The following SLF2 variants were observed in gnomAD, a reference collection of about 807,000 sequenced individuals.
The protein encoded by SLF2 is SMC5/6 complex localization factor 2.
In SLF2, 68 loss-of-function variants were observed where a neutral mutation model predicts 124.3. The observed-to-expected ratio is 0.55, with a 90% CI of 0.45 to 0.67. The LOEUF (loss-of-function observed/expected upper bound fraction) is 0.67, where lower values mean the gene tolerates loss of function less well. Ranked by LOEUF, SLF2 falls within the 30% of genes least tolerant of loss-of-function variation. SLF2 has a pLI of 0.00. For synonymous variants in SLF2, 480 were observed against 478.8 expected (o/e 1.00, Z -0.03); for missense variants, 1,246 against 1,373.7 (o/e 0.91, Z 1.47).
chr10:100,927,331 G>A (rs1288472045), intron 6 of SLF2, among the ~76,000 whole-genome samples: 4 of 152,140 alleles, frequency 2.6e-5, no homozygotes, highest in Non-Finnish European at 4.4e-5. Context: ...GTTATCTCAT[G>A]TAAGTGGTAT....
Position 100,962,162 on chromosome 10 carries a change from G to T in SLF2, c.*250G>T. On this transcript the variant is annotated 3_prime_UTR_variant, in exon 20 of 20. Transcript: ENST00000238961. ...GCAGAGTCTTATTAAAAGAGGGGAG[G>T]GGTAGAAGCAGAATAATAGTCATAT... 2.8e-6 allele frequency: 1 copy of T among 353,892 alleles called. No homozygotes were observed. Among genetic ancestry groups the T allele is most frequent in the Admixed American group, 4.3e-5 (1 of 23,260 alleles). The allele number at this position is 353,892 out of a possible 1,614,324, so 21.9% of individuals were successfully genotyped here. A position where few individuals can be genotyped will look rare whatever the true frequency, so the allele number is the denominator to read the frequency against.
chr10:100,947,612 A>G (rs1850128813), intron 14 of SLF2, 148 bp from the exon 15 acceptor site: 1 of 496,550 alleles, frequency 2.0e-6, no homozygotes, highest in Non-Finnish European at 3.5e-6. Flanking sequence ...TTACTGTTCT[A>G]TAACAGCTTA....
chr10:100,947,687 T>C (rs967268993), intron 14 of SLF2, 73 bp from the exon 15 acceptor site: 2 of 1,039,280 alleles, frequency 1.9e-6, no homozygotes, highest in Non-Finnish European at 2.9e-6. Context: ...AGAGCTCCTC[T>C]TGGCTCATTC....
intron 6 of SLF2, among the ~76,000 whole-genome samples, chr10:100,928,447 C>T (rs1176576956): frequency 6.6e-6 from 1 of 151,994 alleles, no homozygotes; most frequent in Non-Finnish European, 1.5e-5. Context: ...TCTGAAGTTC[C>T]TCCTTTAAAA....
rs1383766510 is a variant in SLF2 at position 100,937,402 on chromosome 10, A to T, written c.2437A>T (p.Met813Leu). ...CCTGTCATTTCTCTGCTTTTGACAG[A>T]TGATGTCAGTTCATACAGACTGTAT... ...PVPVLKWLFR[M>L]MSVHTDCIVS... Residue 813 changes from methionine (M) to leucine (L), a missense_variant and splice_region_variant, in exon 10 of 20, where the codon ATG becomes TTG. This residue lies in a region of SLF2 where 535 missense variants were observed against 632.8 expected (regional missense o/e 0.85). Coordinates refer to ENST00000238961, the MANE Select transcript of SLF2 (RefSeq NM_018121.4). 3.7e-6 allele frequency: 6 copies of T among 1,604,356 alleles called. No homozygotes were observed. The highest frequency in any genetic ancestry group is 2.2e-5 in the East Asian group (1 of 44,818).
rs1418156963 is a variant in SLF2, at chr10:100,958,995, CG to C, written c.3418-432del. On this transcript the variant is annotated intron_variant, in intron 18 of 19. Coordinates refer to ENST00000238961, the MANE Select transcript of SLF2 (RefSeq NM_018121.4). ...AATAATGTGGAGAGGGACAAATAAACGTTTTTTTTATGGCTTTGATCCTTTC... is the reference window on the plus strand; with the variant it reads ...AATAATGTGGAGAGGGACAAATAAACTTTTTTTTATGGCTTTGATCCTTTC... Among the ~76,000 whole-genome samples, 4 of 152,108 alleles carry C rather than the reference CG, an allele frequency of 2.6e-5. No individual in the cohort carries two copies. In the South Asian group the frequency reaches 6.2e-4, roughly 24 times the overall value.
intron 17 of SLF2, among the ~76,000 whole-genome samples, chr10:100,954,093 CAA>C (rs11317743): frequency 9.3e-4 from 135 of 145,010 alleles, no homozygotes; most frequent in Admixed American, 1.1e-3. Flanking sequence ...GCCATCTTTA[CAA>C]AAAAAAAAAA....
At chr10:100,948,718 T>TA (rs1387015301) in intron 15 of SLF2, among the ~76,000 whole-genome samples, 7 of 151,110 alleles carry the variant, frequency 4.6e-5, no homozygotes, top group South Asian at 2.1e-4. Flanking sequence ...CCGTCTCTAC[T>TA]AAAAAAAATA....
intron 11 of SLF2, among the ~76,000 whole-genome samples, chr10:100,942,886 A>G (rs1589959288): frequency 6.6e-6 from 1 of 152,150 alleles, no homozygotes; most frequent in Non-Finnish European, 1.5e-5. Context: ...GCCTCAGCCT[A>G]TCAAAGTGCT....
intron 17 of SLF2, among the ~76,000 whole-genome samples, chr10:100,953,982 C>T (rs926199025): frequency 2.6e-5 from 4 of 151,772 alleles, no homozygotes; most frequent in Non-Finnish European, 5.9e-5. Flanking sequence ...CTTGGCTGGG[C>T]GCAGTGGCTC....
At chr10:100,956,573 C>A in intron 18 of SLF2, 36 bp downstream of exon 18, 1 of 1,323,644 alleles carries the variant, frequency 7.6e-7, no homozygotes, top group Non-Finnish European at 1.0e-6. Flanking sequence ...TTTTTTTTTT[C>A]TTAATCTTGG....
At position 100,950,215 on chromosome 10, in the gene SLF2, G is replaced by C; in HGVS notation, c.3252+8G>C. Reference sequence around the variant, plus strand: ...TTAGAACTTGAAAAGCAGGTATCCAGTGCTAGAAGGTCTCAAAGAGTACAT... The same window carrying C: ...TTAGAACTTGAAAAGCAGGTATCCACTGCTAGAAGGTCTCAAAGAGTACAT... On this transcript the variant is annotated splice_region_variant and intron_variant, in intron 16 of 19. Transcript: ENST00000238961. 1.2e-6 allele frequency: 2 copies of C among 1,611,718 alleles called. No individual in the cohort carries two copies. The highest frequency in any genetic ancestry group is 8.5e-7 in the Non-Finnish European group (1 of 1,178,876).
chr10:100,916,248 A>G, intron 2 of SLF2, among the ~76,000 whole-genome samples: 1 of 152,300 alleles, frequency 6.6e-6, no homozygotes, highest in Middle Eastern at 3.4e-3. Context: ...TCTTACATTT[A>G]AAATATTATT....
At chr10:100,955,553 C>A (rs1230699977) in intron 17 of SLF2, among the ~76,000 whole-genome samples, 1 of 152,008 alleles carries the variant, frequency 6.6e-6, no homozygotes, top group Non-Finnish European at 1.5e-5. Flanking sequence ...TGAAGCCATG[C>A]ATTTGACACT....
intron 14 of SLF2, 31 bp downstream of exon 14, chr10:100,947,167 A>C: frequency 7.8e-7 from 1 of 1,277,384 alleles, no homozygotes; most frequent in Non-Finnish European, 1.1e-6. Flanking sequence ...AACATTAAGA[A>C]ATTTTATAAT....
At position 100,963,884 on chromosome 10, in the gene SLF2, GA is replaced by G. The variant is rs761061305; in HGVS notation, c.*1979del. 1.3e-5 allele frequency: 2 copies of G among 151,674 alleles called. No individual in the cohort carries two copies. Among genetic ancestry groups the G allele is most frequent in the Non-Finnish European group, 2.9e-5 (2 of 67,812 alleles). 9.4% of individuals were successfully genotyped at this position (151,674 alleles called of 1,614,324 possible). ...CATTTTTATTTAACAGTTCCAATAA[GA>G]AAAAAATCTCTATTTTTAATTATAT... On this transcript the variant is annotated 3_prime_UTR_variant, in exon 20 of 20. Coordinates refer to ENST00000238961, the MANE Select transcript of SLF2 (RefSeq NM_018121.4).
chr10:100,947,073 C>G lies in SLF2; in HGVS notation c.2969C>G (p.Ser990Cys), dbSNP rs769644399. ...PELCLGINEL[S>C]SHPHNLLWLV... is the part of the protein sequence containing the mutation. ...CTCTGTCTGGGCATAAATGAACTCTCCAGTCATCCCCACAACCTCCTGTGG... is the reference window on the plus strand; with the variant it reads ...CTCTGTCTGGGCATAAATGAACTCTGCAGTCATCCCCACAACCTCCTGTGG... The change falls in exon 14 of 20, where the codon TCC (serine) becomes TGC (cysteine). Residue 990 changes from serine (S) to cysteine (C), a missense_variant. Physicochemically the swap from Ser to Cys is moderately radical, Grantham distance 112. Around this residue, in one of 3 missense-constraint regions of SLF2, gnomAD observed 535 missense variants for 632.8 expected, o/e 0.85. Coordinates refer to ENST00000238961, the MANE Select transcript of SLF2 (RefSeq NM_018121.4). The G allele has an allele frequency of 6.2e-7, 1 of 1,612,682 alleles. No individual in the cohort carries two copies.
In SLF2 at chr10:100,928,901, T is replaced by G. The variant is rs145481279; in HGVS notation, c.2043-416T>G. 1.6e-4 allele frequency among the ~76,000 whole-genome samples: 24 copies of G among 152,020 alleles called. No individual in the cohort carries two copies. The East Asian group carries it at 4.2e-3, about 27-fold the overall frequency. On this transcript the variant is annotated intron_variant, in intron 6 of 19. Transcript: ENST00000238961. ...ACTGCTGCTAGAAAGCCTAGTTAAC[T>G]TATCAGGTTGTTGGGCATCTAGAAC...
intron 11 of SLF2, among the ~76,000 whole-genome samples, chr10:100,941,696 C>T (rs1312924046): frequency 6.6e-6 from 1 of 152,176 alleles, no homozygotes; most frequent in Non-Finnish European, 1.5e-5. Context: ...TGCTGTCCCT[C>T]CACACCATAA....
Sources: allele counts gnomAD v4.1 joint callset (sites outside exome capture counted in the v4.1 genomes callset), GRCh38; gene constraint gnomAD v4.1.1; regional missense constraint gnomAD v4.1.1; transcripts MANE v1.5; gene names NCBI Gene and HGNC (gene_info 2026-07-23, HGNC 2026-07-21).